SLC2A9: variants seen among roughly 807,000 people sequenced by gnomAD.
SLC2A9 encodes solute carrier family 2 member 9.
A neutral mutation model predicts 50.6 loss-of-function variants in SLC2A9; 39 were observed. That is an observed-to-expected ratio of 0.77 (90% CI 0.60 to 1.01). SLC2A9 has a LOEUF of 1.01. SLC2A9 is among the 50% of genes least tolerant of loss of function. The pLI is 0.00. For missense variants in SLC2A9, 686 were observed against 677.6 expected (o/e 1.01, Z -0.14); for synonymous variants, 324 against 276.9 (o/e 1.17, Z -1.69).
At chr4:9,773,012 G>A (rs1203649653) in intron 1 of SLC2A9, among the ~76,000 whole-genome samples, 1 of 152,126 alleles carries the variant, frequency 6.6e-6, no homozygotes, top group Non-Finnish European at 1.5e-5. Context: ...AGTCAGAGAA[G>A]GATATGAACC....
At chr4:9,772,283 C>T (rs1013923799) in intron 1 of SLC2A9, among the ~76,000 whole-genome samples, 1 of 152,132 alleles carries the variant, frequency 6.6e-6, no homozygotes, top group Non-Finnish European at 1.5e-5. Flanking sequence ...GCTGGTGGAG[C>T]CATTTTGAGA....
At chr4:9,963,428 G>C (rs1752583227) in intron 5 of SLC2A9, among the ~76,000 whole-genome samples, 1 of 152,244 alleles carries the variant, frequency 6.6e-6, no homozygotes, top group African/African-American at 2.4e-5. Context: ...TCCACATTGA[G>C]GGGGTAGCTC....
intron 2 of SLC2A9, among the ~76,000 whole-genome samples, chr4:10,002,246 C>T (rs1210258871): frequency 6.6e-6 from 1 of 152,246 alleles, no homozygotes; most frequent in Non-Finnish European, 1.5e-5. Flanking sequence ...GAGCAACCCA[C>T]TCTTTTCAAC....
chr4:9,991,767 A>C (rs1315650879), intron 3 of SLC2A9, among the ~76,000 whole-genome samples: 6 of 152,222 alleles, frequency 3.9e-5, no homozygotes, highest in Admixed American at 3.9e-4. Flanking sequence ...ACACAGCGAG[A>C]AAGCAGCCAT....
intron 9 of SLC2A9, 38 bp from the exon 10 acceptor site, chr4:9,887,680 T>C (rs1305927848): frequency 9.7e-6 from 14 of 1,436,704 alleles, no homozygotes; most frequent in Admixed American, 5.2e-5. Flanking sequence ...GAGGAGGTGA[T>C]GGTGTGACCG....
chr4:9,927,030 A>ATTTTT lies in SLC2A9; in HGVS notation c.815-6463_815-6459dup, dbSNP rs35095818. Among the ~76,000 whole-genome samples the ATTTTT allele has an allele frequency of 2.4e-4, 32 of 135,830 alleles. 1 individual carries two copies. Among genetic ancestry groups the ATTTTT allele is most frequent in the African/African-American group, 8.8e-4 (32 of 36,418 alleles). The allele number at this position is 135,830 out of a possible 152,430, so 89.1% of individuals were successfully genotyped here. A position where few individuals can be genotyped will look rare whatever the true frequency, so the allele number is the denominator to read the frequency against. On this transcript the variant is annotated intron_variant, in intron 6 of 11. Transcript: ENST00000264784. ...TGAGGGAATCCATTTCTGTTGTTCGATTTTTTTTTTTTTTTTTTTACAGAG... is the reference window on the plus strand; with the variant it reads ...TGAGGGAATCCATTTCTGTTGTTCGATTTTTTTTTTTTTTTTTTTTTTTTACAGAG...
In SLC2A9 at chr4:10,019,110, G is replaced by A. The variant is rs1763164912; in HGVS notation, c.151-37C>T. On this transcript the variant is annotated intron_variant, in intron 1 of 11. Transcript: ENST00000264784. Reference sequence around the variant, plus strand: ...GGAAACCACGTCAGAGCCGGCACCGGGCGCGCAGCCAGGGCCGAGGGAAGA... The same window carrying A: ...GGAAACCACGTCAGAGCCGGCACCGAGCGCGCAGCCAGGGCCGAGGGAAGA... 5 of 1,533,004 alleles carry A rather than the reference G, an allele frequency of 3.3e-6. 1 individual carries two copies. The South Asian group carries it at 6.0e-5, about 18-fold the overall frequency. The allele number at this position is 1,533,004 out of a possible 1,614,324, so 95.0% of individuals were successfully genotyped here.
In SLC2A9 at chr4:9,892,050, C is replaced by G. The variant is rs376810873; in HGVS notation, c.1114-1339G>C. 1.2e-3 allele frequency among the ~76,000 whole-genome samples: 184 copies of G among 152,342 alleles called. 1 individual carries two copies. The highest frequency in any genetic ancestry group is 4.2e-3 in the African/African-American group (175 of 41,582). ...GGGACCCCAGTGCCCTCTACCTGTT[C>G]CTCTTTCCTCATACCCTGCTCCTTA... On this transcript the variant is annotated intron_variant, in intron 8 of 11. Coordinates refer to ENST00000264784, the MANE Select transcript of SLC2A9 (RefSeq NM_020041.3).
chr4:10,001,861 A>G (rs774829265), intron 2 of SLC2A9, among the ~76,000 whole-genome samples: 1 of 152,222 alleles, frequency 6.6e-6, no homozygotes, highest in Non-Finnish European at 1.5e-5. Context: ...CTGCCTCAGA[A>G]TCCTGAGTGG....
chr4:9,894,535 T>C (rs540922334), intron 8 of SLC2A9, among the ~76,000 whole-genome samples: 13 of 152,336 alleles, frequency 8.5e-5, no homozygotes, highest in Middle Eastern at 6.8e-3. Context: ...TTAGTTGAAG[T>C]GTTGGATGCA....
At chr4:9,899,968 C>A (rs913407347) in intron 8 of SLC2A9, among the ~76,000 whole-genome samples, 4 of 152,188 alleles carry the variant, frequency 2.6e-5, no homozygotes, top group African/African-American at 9.7e-5. Context: ...CACTCCCCCT[C>A]ATGCTCTTAC....
intron 8 of SLC2A9, among the ~76,000 whole-genome samples, chr4:9,901,004 T>C (rs1175814349): frequency 6.6e-6 from 1 of 152,032 alleles, no homozygotes; most frequent in East Asian, 1.9e-4. Flanking sequence ...TCAACGAGAG[T>C]CCACATTTCT....
chr4:9,891,809 GGGGGAAAA>G (rs1418055621), intron 8 of SLC2A9, among the ~76,000 whole-genome samples: 1 of 152,218 alleles, frequency 6.6e-6, no homozygotes, highest in East Asian at 1.9e-4. Context: ...AGGGATTAGT[GGGGGAAAA>G]GGTTTTGGGG....
In SLC2A9 at chr4:9,932,308, T is replaced by C. The variant is rs372169178; in HGVS notation, c.814+9605A>G. On this transcript the variant is annotated intron_variant, in intron 6 of 11. Transcript: ENST00000264784. The stretch of plus-strand genomic sequence containing the variant: ...GGTATACTTTGGTTTTCTTCATTCA[T>C]GCAACAATTATTTAGTAAGTAAATG... Among the ~76,000 whole-genome samples the C allele has an allele frequency of 3.3e-5, 5 of 152,108 alleles. No homozygotes were observed. The East Asian group carries it at 7.8e-4, about 24-fold the overall frequency.
intron 3 of SLC2A9, among the ~76,000 whole-genome samples, chr4:9,791,529 A>G (rs571738371): frequency 6.6e-6 from 1 of 152,214 alleles, no homozygotes; most frequent in African/African-American, 2.4e-5. Flanking sequence ...TCTTGGGAGG[A>G]CCCAAGTGTA....
In SLC2A9 at chr4:9,826,963, CAT is replaced by C. The variant is rs1224586745; in HGVS notation, c.1420-365_1420-364del. On this transcript the variant is annotated intron_variant, in intron 11 of 11. Coordinates refer to ENST00000264784, the MANE Select transcript of SLC2A9 (RefSeq NM_020041.3). Reference sequence around the variant, plus strand: ...ATTGTCTTCTTGCTTCTACTATACACATGAGACAAGAATGACATCAAAAGGGA... The same window carrying C: ...ATTGTCTTCTTGCTTCTACTATACACGAGACAAGAATGACATCAAAAGGGA... 3.3e-5 allele frequency among the ~76,000 whole-genome samples: 5 copies of C among 152,290 alleles called. No homozygotes were observed. The South Asian group carries it at 6.2e-4, about 19-fold the overall frequency.
chr4:9,910,713 C>T (rs1220572876), intron 7 of SLC2A9, among the ~76,000 whole-genome samples: 1 of 152,184 alleles, frequency 6.6e-6, no homozygotes, highest in Non-Finnish European at 1.5e-5. Flanking sequence ...CTCCTCTCAC[C>T]CCTCACAACC....
At chr4:9,903,896 T>C (rs1454890030) in intron 8 of SLC2A9, among the ~76,000 whole-genome samples, 2 of 147,648 alleles carry the variant, frequency 1.4e-5, no homozygotes, top group African/African-American at 2.4e-5. Context: ...TTATATATTT[T>C]ATATCAATAA....
At chr4:9,788,909 A>G (rs1719555689) in intron 3 of SLC2A9, among the ~76,000 whole-genome samples, 1 of 152,172 alleles carries the variant, frequency 6.6e-6, no homozygotes, top group Non-Finnish European at 1.5e-5. Context: ...GGTTCCTTCT[A>G]GTAGAAAATG....
Sources: allele counts gnomAD v4.1 joint callset (sites outside exome capture counted in the v4.1 genomes callset), GRCh38; gene constraint gnomAD v4.1.1; transcripts MANE v1.5; gene names NCBI Gene and HGNC (gene_info 2026-07-23, HGNC 2026-07-21).